The following GKAP1 variants were observed in gnomAD, a reference collection of about 807,000 sequenced individuals.
GKAP1 encodes the protein G kinase-anchoring protein 1.
Under a neutral mutation model 56.7 loss-of-function variants are expected in GKAP1, and 31 were observed. The ratio of observed to expected loss-of-function variants is 0.55; its 90% CI spans 0.41 to 0.74. The LOEUF (loss-of-function observed/expected upper bound fraction) is 0.74. GKAP1 is among the 30% of genes least tolerant of loss of function. GKAP1 has a pLI of 0.00. For missense variants in GKAP1, 364 were observed against 402.3 expected (o/e 0.90, Z 0.82); for synonymous variants, 151 against 138.6 (o/e 1.09, Z -0.63).
At chr9:83,803,612 T>A (rs1944371602) in intron 3 of GKAP1, among the ~76,000 whole-genome samples, 1 of 151,644 alleles carries the variant, frequency 6.6e-6, no homozygotes, top group Non-Finnish European at 1.5e-5. Flanking sequence ...ACAACCTCCA[T>A]CTCCCAGCCG....
intron 3 of GKAP1, among the ~76,000 whole-genome samples, chr9:83,800,562 G>A (rs1294971219): frequency 6.6e-6 from 1 of 152,066 alleles, no homozygotes; most frequent in Non-Finnish European, 1.5e-5. Context: ...TTGAACTCCT[G>A]ACCTCAGGTG....
Position 83,799,272 on chromosome 9 carries a change from G to A in GKAP1, c.273C>T (p.Asn91=), listed in dbSNP as rs1405545766. The A allele has an allele frequency of 3.7e-6, 6 of 1,604,918 alleles. No homozygotes were observed. The highest frequency in any genetic ancestry group is 2.7e-5 in the African/African-American group (2 of 74,272). The change falls in exon 4 of 13, where the codon AAC becomes AAT. Residue 91 remains asparagine, a synonymous_variant. Transcript: ENST00000376371. ...TTGACAATGGAAGATCATGTTGAGCGTTACAAACAGCATGGGAGGATTTCT... is the reference window on the plus strand; with the variant it reads ...TTGACAATGGAAGATCATGTTGAGCATTACAAACAGCATGGGAGGATTTCT... ...IPQKSSHAVC[N]AQHDLPLSNP...
rs549866738 is a variant in GKAP1 at position 83,769,037 on chromosome 9, C to T, written c.586-67G>A. On this transcript the variant is annotated intron_variant, in intron 7 of 12. Transcript: ENST00000376371. Reference sequence around the variant, plus strand: ...CTGATATGCATTTAATACACCTAGTCAACCACAAGAAGGGATATGCATTTA... The same window carrying T: ...CTGATATGCATTTAATACACCTAGTTAACCACAAGAAGGGATATGCATTTA... The T allele has an allele frequency of 4.2e-5, 53 of 1,258,412 alleles. No individual in the cohort carries two copies. The East Asian group carries it at 1.2e-3, about 28-fold the overall frequency. The allele number at this position is 1,258,412 out of a possible 1,614,324, so 78.0% of individuals were successfully genotyped here.
chr9:83,802,288 G>C (rs1944342952), intron 3 of GKAP1, among the ~76,000 whole-genome samples: 1 of 151,918 alleles, frequency 6.6e-6, no homozygotes, highest in African/African-American at 2.4e-5. Context: ...AGACCAGCCT[G>C]GCCAATATTG....
intron 7 of GKAP1, among the ~76,000 whole-genome samples, chr9:83,776,917 A>G (rs1197092709): frequency 9.8e-6 from 1 of 102,266 alleles, no homozygotes; most frequent in African/African-American, 2.9e-5. Flanking sequence ...AAAGGTAGAC[A>G]TGTGGAGCAT....
intron 8 of GKAP1, among the ~76,000 whole-genome samples, chr9:83,756,298 G>A (rs1943474050): frequency 1.3e-5 from 2 of 151,314 alleles, no homozygotes; most frequent in Admixed American, 6.6e-5. Flanking sequence ...CCAACATGGT[G>A]ATTCTCTACT....
chr9:83,815,472 T>C (rs295269), intron 2 of GKAP1, among the ~76,000 whole-genome samples: 68,415 of 151,076 alleles, frequency 0.45, 16,384 homozygotes, highest in African/African-American at 0.61. Context: ...TGGAGGCACA[T>C]TGCCATTATG....
At chr9:83,745,909 G>T (rs190307369) in intron 10 of GKAP1, among the ~76,000 whole-genome samples, 10 of 151,918 alleles carry the variant, frequency 6.6e-5, no homozygotes, top group African/African-American at 2.4e-4. Context: ...TTGCACTTCA[G>T]CCTCCCAAGT....
chr9:83,815,009 T>C (rs534238653), intron 2 of GKAP1, among the ~76,000 whole-genome samples: 1 of 151,668 alleles, frequency 6.6e-6, no homozygotes, highest in African/African-American at 2.4e-5. Flanking sequence ...CCATCTCTAC[T>C]AAAAATACAA....
intron 2 of GKAP1, among the ~76,000 whole-genome samples, chr9:83,815,774 G>A (rs984036712): frequency 5.9e-5 from 9 of 152,182 alleles, no homozygotes; most frequent in Admixed American, 5.2e-4. Context: ...TTAACTGAGC[G>A]TAATATGAAA....
chr9:83,797,859 A>C (rs1440558697), intron 4 of GKAP1, among the ~76,000 whole-genome samples: 10 of 152,232 alleles, frequency 6.6e-5, no homozygotes, highest in Non-Finnish European at 1.5e-4. Flanking sequence ...CTCTCCAATG[A>C]AGACACTGGT....
chr9:83,804,361 C>T (rs1944393050), intron 3 of GKAP1, among the ~76,000 whole-genome samples: 1 of 122,644 alleles, frequency 8.2e-6, no homozygotes, highest in African/African-American at 3.4e-5. Context: ...GGGTCAGCCC[C>T]CCGCCCGGCC....
At chr9:83,806,795 C>T (rs1052759145) in intron 2 of GKAP1, among the ~76,000 whole-genome samples, 15 of 152,030 alleles carry the variant, frequency 9.9e-5, no homozygotes, top group African/African-American at 3.1e-4. Context: ...CTCATTTTTC[C>T]ATGTATACTT....
intron 9 of GKAP1, among the ~76,000 whole-genome samples, chr9:83,752,453 G>T (rs756285771): frequency 2.6e-5 from 4 of 152,070 alleles, no homozygotes; most frequent in African/African-American, 9.7e-5. Flanking sequence ...ATTATGCTAA[G>T]TGAATACGCC....
chr9:83,816,031 C>CA (rs72114457), intron 2 of GKAP1, among the ~76,000 whole-genome samples: 1,817 of 91,402 alleles, frequency 0.02, 39 homozygotes, highest in East Asian at 0.056. Flanking sequence ...ATTAAAAATA[C>CA]AAAAAAAAAA....
intron 7 of GKAP1, among the ~76,000 whole-genome samples, chr9:83,780,032 G>A (rs1466004327): frequency 6.6e-6 from 1 of 151,866 alleles, no homozygotes; most frequent in Non-Finnish European, 1.5e-5. Context: ...ATCTTCTCAG[G>A]ATAAGTTTTT....
At position 83,774,701 on chromosome 9, in the gene GKAP1, C is replaced by CTTTT. The variant is rs1564199151; in HGVS notation, c.585+5680_585+5681insAAAA. The stretch of plus-strand genomic sequence containing the variant: ...AGAAACTATCAATAAACAGAAACCC[C>CTTTT]CTTTTTTTTTTTTTTTTTTTTTTTT... On this transcript the variant is annotated intron_variant, in intron 7 of 12. Transcript: ENST00000376371. Among the ~76,000 whole-genome samples, 109 of 100,968 alleles carry CTTTT rather than the reference C, an allele frequency of 1.1e-3. 22 individuals carry two copies. Among genetic ancestry groups the CTTTT allele is most frequent in the Admixed American group, 2.0e-3 (15 of 7,448 alleles). 66.2% of individuals were successfully genotyped at this position (100,968 alleles called of 152,430 possible). A position where few individuals can be genotyped will look rare whatever the true frequency, so the allele number is the denominator to read the frequency against.
chr9:83,804,826 GC>G lies in GKAP1; in HGVS notation c.216+1475del, dbSNP rs1323049955. ...GAGGAGCCCCTCTGCCTGGTCAGCCGCCCCGTCCGGGAGGGAGGTGGGGGGT... is the reference window on the plus strand; with the variant it reads ...GAGGAGCCCCTCTGCCTGGTCAGCCGCCCGTCCGGGAGGGAGGTGGGGGGT... On this transcript the variant is annotated intron_variant, in intron 3 of 12. Transcript: ENST00000376371. Among the ~76,000 whole-genome samples, 2 of 94,768 alleles carry G rather than the reference GC, an allele frequency of 2.1e-5. 1 individual carries two copies. Among genetic ancestry groups the G allele is most frequent in the East Asian group, 6.3e-4 (2 of 3,154 alleles). 62.2% of individuals were successfully genotyped at this position (94,768 alleles called of 152,430 possible).
intron 8 of GKAP1, among the ~76,000 whole-genome samples, chr9:83,766,660 G>A (rs1943668634): frequency 6.6e-6 from 1 of 152,154 alleles, no homozygotes; most frequent in South Asian, 2.1e-4. Flanking sequence ...AACATCCATT[G>A]AAGAGAAGAA....
Sources: gnomAD v4.1 joint callset for allele counts (sites outside exome capture counted in the v4.1 genomes callset) on GRCh38, gnomAD v4.1.1 for gene constraint, MANE v1.5 for transcripts, NCBI Gene and HGNC (gene_info 2026-07-23, HGNC 2026-07-21) for gene names.